RPSA2: variants seen among roughly 807,000 people sequenced by gnomAD.
The protein encoded by RPSA2 is ribosomal protein SA 2.
the RPSA2 span, among the ~76,000 whole-genome samples, chr19:23,861,594 C>G: frequency 3.3e-5 from 5 of 152,126 alleles, no homozygotes; most frequent in African/African-American, 9.7e-5. Context: ...TACCAGCGTT[C>G]TGCTTTAGTG....
the RPSA2 span, chr19:23,827,710 G>T: frequency 6.3e-7 from 1 of 1,588,046 alleles, no homozygotes. Flanking sequence ...GGGAAGTTCT[G>T]CGCATGCGTG....
chr19:23,767,438 A>G, the RPSA2 span, among the ~76,000 whole-genome samples: 1 of 152,100 alleles, frequency 6.6e-6, no homozygotes, highest in Admixed American at 6.6e-5. Context: ...AAATGTTCGC[A>G]TTGATGAGAA....
chr19:23,797,368 A>G, the RPSA2 span, among the ~76,000 whole-genome samples: 1 of 152,136 alleles, frequency 6.6e-6, no homozygotes, highest in Non-Finnish European at 1.5e-5. Context: ...TCGGCCTCCC[A>G]AAGTGCTGGG....
At chr19:23,829,929 A>G in the RPSA2 span, among the ~76,000 whole-genome samples, 1 of 152,178 alleles carries the variant, frequency 6.6e-6, no homozygotes, top group Non-Finnish European at 1.5e-5. Context: ...GTATTTTTAT[A>G]TAATTATGTG....
the RPSA2 span, among the ~76,000 whole-genome samples, chr19:23,761,814 G>A: frequency 1.3e-5 from 2 of 151,800 alleles, no homozygotes; most frequent in Non-Finnish European, 1.5e-5. Flanking sequence ...GAAATGCAGC[G>A]TAGTCACGGC....
the RPSA2 span, among the ~76,000 whole-genome samples, chr19:23,816,161 G>A: frequency 6.6e-6 from 1 of 151,628 alleles, no homozygotes; most frequent in African/African-American, 2.4e-5. Flanking sequence ...TTGAGATAGG[G>A]TCTCACTCTG....
At chr19:23,832,446 G>T in the RPSA2 span, 1 of 489,766 alleles carries the variant, frequency 2.0e-6, no homozygotes, top group Non-Finnish European at 4.1e-6. Flanking sequence ...CTAGACATAA[G>T]AGGATACACA....
chr19:23,815,132 C>T, the RPSA2 span, among the ~76,000 whole-genome samples: 3 of 152,202 alleles, frequency 2.0e-5, no homozygotes, highest in Admixed American at 6.5e-5. Context: ...GCGTGAGCTA[C>T]ACCACCCAGC....
chr19:23,800,762 C>T, the RPSA2 span, among the ~76,000 whole-genome samples: 3 of 151,890 alleles, frequency 2.0e-5, no homozygotes, highest in Non-Finnish European at 2.9e-5. Context: ...TACAGGCATG[C>T]ACCACCAAGC....
At chr19:23,846,653 G>A in the RPSA2 span, among the ~76,000 whole-genome samples, 7 of 152,186 alleles carry the variant, frequency 4.6e-5, 1 homozygote, top group South Asian at 4.1e-4. Context: ...TTTTTGGCTG[G>A]CATTTTTCTT....
the RPSA2 span, among the ~76,000 whole-genome samples, chr19:23,862,998 A>G: frequency 6.6e-6 from 1 of 151,646 alleles, no homozygotes; most frequent in Non-Finnish European, 1.5e-5. Flanking sequence ...CCACCTCCCA[A>G]TGAATAAAAA....
the RPSA2 span, among the ~76,000 whole-genome samples, chr19:23,870,462 C>T: frequency 6.6e-6 from 1 of 152,092 alleles, no homozygotes; most frequent in Non-Finnish European, 1.5e-5. Context: ...TCCATGGGAC[C>T]TTGTAAAAGC....
At chr19:23,827,835 A>C in the RPSA2 span, 67 of 1,466,258 alleles carry the variant, frequency 4.6e-5, no homozygotes, top group Non-Finnish European at 6.3e-5. Flanking sequence ...GTGACCAAGG[A>C]GGAATTTCAG....
At chr19:23,862,806 T>C in the RPSA2 span, among the ~76,000 whole-genome samples, 1 of 151,840 alleles carries the variant, frequency 6.6e-6, no homozygotes, top group Non-Finnish European at 1.5e-5. Flanking sequence ...GTTTGAGTTC[T>C]AATAGCTGGC....
chr19:23,824,811 G>A, the RPSA2 span, among the ~76,000 whole-genome samples: 1 of 82,844 alleles, frequency 1.2e-5, no homozygotes. Flanking sequence ...TTTAAATCAA[G>A]TATTATTGGT....
the RPSA2 span, among the ~76,000 whole-genome samples, chr19:23,826,405 G>T: frequency 6.6e-6 from 1 of 151,692 alleles, no homozygotes; most frequent in Non-Finnish European, 1.5e-5. Context: ...GTTGGCCAGC[G>T]TGGTTTCAAA....
the RPSA2 span, among the ~76,000 whole-genome samples, chr19:23,796,927 C>T: frequency 6.7e-6 from 1 of 149,788 alleles, no homozygotes; most frequent in Admixed American, 6.7e-5. Flanking sequence ...TATTTCTTGT[C>T]TGCTGCTAGC....
At chr19:23,830,303 C>A in the RPSA2 span, among the ~76,000 whole-genome samples, 1 of 152,150 alleles carries the variant, frequency 6.6e-6, no homozygotes, top group Non-Finnish European at 1.5e-5. Flanking sequence ...TGCCACCACA[C>A]CCAGCTAATT....
the RPSA2 span, among the ~76,000 whole-genome samples, chr19:23,822,048 A>C: frequency 6.6e-6 from 1 of 152,134 alleles, no homozygotes; most frequent in Non-Finnish European, 1.5e-5. Context: ...TGCATTCACC[A>C]TGCACTGATT....
Sources: gnomAD v4.1 joint callset for allele counts (sites outside exome capture counted in the v4.1 genomes callset) on GRCh38, gnomAD v4.1.1 for gene constraint, MANE v1.5 for transcripts, NCBI Gene and HGNC (gene_info 2026-07-23, HGNC 2026-07-21) for gene names.